The following CYS1 variants were observed in gnomAD, a reference collection of about 807,000 sequenced individuals.
CYS1 encodes the protein cystin 1, also known as cystin-1.
CYS1 carries 5 observed loss-of-function variants against 9.6 expected under a neutral mutation model. The observed-to-expected ratio is 0.52, with a 90% CI of 0.27 to 1.10. The LOEUF is 1.10. Among genes scored for constraint, CYS1 ranks in the 50% least tolerant of loss-of-function variants. The probability of loss-of-function intolerance (pLI) is 0.11; values close to 1 mark genes in which losing one functional copy is unlikely to be tolerated. For synonymous variants in CYS1, 88 were observed against 95.7 expected, an observed-to-expected ratio of 0.92 and a Z score of 0.47; for missense variants, 221 against 207.9, an observed-to-expected ratio of 1.06 and a Z score of -0.39.
intron 1 of CYS1, 54 bp downstream of exon 1, chr2:10,079,852 G>A (rs1003228411): frequency 4.8e-6 from 5 of 1,037,978 alleles, no homozygotes; most frequent in Admixed American, 5.3e-5. Flanking sequence ...GGGACGCGCG[G>A]CCGGTGAGTG....
At chr2:10,073,187 G>C (rs978038696) in intron 1 of CYS1, among the ~76,000 whole-genome samples, 1 of 142,970 alleles carries the variant, frequency 7.0e-6, no homozygotes, top group Non-Finnish European at 1.5e-5. Context: ...TGACAAGGAC[G>C]TGACAAGGGG....
At chr2:10,066,017 C>T in intron 1 of CYS1, 61 bp from the exon 2 acceptor site, 4 of 1,597,296 alleles carry the variant, frequency 2.5e-6, no homozygotes, top group Non-Finnish European at 3.4e-6. Context: ...CTGCCTAAGG[C>T]TTTGGCTTTG....
chr2:10,073,079 G>A (rs575269766), intron 1 of CYS1, among the ~76,000 whole-genome samples: 1 of 150,842 alleles, frequency 6.6e-6, no homozygotes, highest in Non-Finnish European at 1.5e-5. Context: ...TGCATGGGGG[G>A]GCGGTGCAGG....
intron 1 of CYS1, among the ~76,000 whole-genome samples, chr2:10,067,573 A>T (rs1265575470): frequency 1.3e-5 from 2 of 151,678 alleles, no homozygotes; most frequent in Non-Finnish European, 2.9e-5. Context: ...ATGAAGAGCT[A>T]ATTTTTCATT....
Position 10,058,393 on chromosome 2 carries a change from C to G in CYS1, c.*460G>C. 1 of 156,618 alleles carries G rather than the reference C, an allele frequency of 6.4e-6. No individual in the cohort carries two copies. Among genetic ancestry groups the G allele is most frequent in the Non-Finnish European group, 1.4e-5 (1 of 70,696 alleles). 9.7% of individuals were successfully genotyped at this position (156,618 alleles called of 1,614,324 possible). A position where few individuals can be genotyped will look rare whatever the true frequency, so the allele number is the denominator to read the frequency against. ...GAGAAGCACTAAGCTGACCCGGCCA[C>G]CCCTGGAGAGATGGGCCCGAGACTG... is the stretch of plus-strand genomic sequence containing the variant. On this transcript the variant is annotated 3_prime_UTR_variant, in exon 3 of 3. Transcript: ENST00000381813.
intron 2 of CYS1, among the ~76,000 whole-genome samples, chr2:10,062,401 CTTTT>C (rs201124927): frequency 1.4e-5 from 2 of 147,670 alleles, no homozygotes; most frequent in Non-Finnish European, 3.0e-5. Flanking sequence ...CTCTTTTTTT[CTTTT>C]TTTTTTGAGA....
chr2:10,069,513 T>C (rs5015170), intron 1 of CYS1, among the ~76,000 whole-genome samples: 101,750 of 151,682 alleles, frequency 0.67, 34,167 homozygotes, highest in East Asian at 0.77. Context: ...GGACCACAGG[T>C]GCGTGCCACC....
chr2:10,078,533 C>T (rs1010800952), intron 1 of CYS1, among the ~76,000 whole-genome samples: 7 of 152,264 alleles, frequency 4.6e-5, no homozygotes, highest in East Asian at 1.9e-4. Flanking sequence ...TGACATTAGG[C>T]ATGAGGTTCT....
At chr2:10,061,405 C>G (rs1162483087) in intron 2 of CYS1, among the ~76,000 whole-genome samples, 1 of 152,218 alleles carries the variant, frequency 6.6e-6, no homozygotes, top group Non-Finnish European at 1.5e-5. Context: ...ACGGGACGCC[C>G]AGACACCCTC....
chr2:10,070,247 G>T (rs994933943), intron 1 of CYS1, among the ~76,000 whole-genome samples: 6 of 152,144 alleles, frequency 3.9e-5, no homozygotes, highest in Non-Finnish European at 8.8e-5. Context: ...AGCTCCCCAG[G>T]GTTCTCCCAG....
At chr2:10,059,142 G>T (rs541619533) in intron 2 of CYS1, among the ~76,000 whole-genome samples, 184 bp from the exon 3 acceptor site, 2 of 152,354 alleles carry the variant, frequency 1.3e-5, no homozygotes, top group East Asian at 1.9e-4. Context: ...TACTGCGTCC[G>T]CTTCATCTCC....
chr2:10,067,041 G>A (rs1053864406), intron 1 of CYS1, among the ~76,000 whole-genome samples: 10 of 152,142 alleles, frequency 6.6e-5, no homozygotes, highest in Non-Finnish European at 1.3e-4. Flanking sequence ...TTGAGACAGA[G>A]TTTTGCTCTT....
rs149173660 is a variant in CYS1 at position 10,076,049 on chromosome 2, C to T, written c.318+3857G>A. Among the ~76,000 whole-genome samples, 614 of 152,116 alleles carry T rather than the reference C, an allele frequency of 4.0e-3. 2 individuals carry two copies. Among genetic ancestry groups the T allele is most frequent in the African/African-American group, 0.014 (582 of 41,506 alleles). Reference sequence around the variant, plus strand: ...TAAAAATACAAAAAAATTAGCCAGGCGTGGTGGCATGCTCCTATAGTCCCA... The same window carrying T: ...TAAAAATACAAAAAAATTAGCCAGGTGTGGTGGCATGCTCCTATAGTCCCA... On this transcript the variant is annotated intron_variant, in intron 1 of 2. Transcript: ENST00000381813. This position sits in a 1 kb window ranked among gnomAD's most constrained non-coding sequence, Gnocchi z 4.3.
At position 10,061,210 on chromosome 2, in the gene CYS1, C is replaced by T. The variant is rs751690946; in HGVS notation, c.372-2252G>A. ...TTGCACCACTGCACTCCAGCCTGGA[C>T]GACAGAACAAGACCCTATCTCAAAA... is the stretch of plus-strand genomic sequence containing the variant. On this transcript the variant is annotated intron_variant, in intron 2 of 2. Coordinates refer to ENST00000381813, the MANE Select transcript of CYS1 (RefSeq NM_001037160.3). Among the ~76,000 whole-genome samples the T allele has an allele frequency of 1.4e-4, 22 of 152,222 alleles. No individual in the cohort carries two copies. In the South Asian group the frequency reaches 2.1e-3, roughly 14 times the overall value.
intron 1 of CYS1, among the ~76,000 whole-genome samples, 179 bp from the exon 2 acceptor site, chr2:10,066,135 G>A (rs559410969): frequency 2.0e-5 from 3 of 152,310 alleles, no homozygotes; most frequent in South Asian, 2.1e-4. Flanking sequence ...GCAAGAAAAC[G>A]GAGGCTGCAA....
rs559447638 is a variant in CYS1, at chr2:10,059,996, C to T, written c.372-1038G>A. On this transcript the variant is annotated intron_variant, in intron 2 of 2. Transcript: ENST00000381813. Reference sequence around the variant, plus strand: ...ACACCTGGGTGGTGCTGACTGCCCCCGGACCTGCCACGGTTGTGTCGAAAT... The same window carrying T: ...ACACCTGGGTGGTGCTGACTGCCCCTGGACCTGCCACGGTTGTGTCGAAAT... Among the ~76,000 whole-genome samples, 8 of 152,396 alleles carry T rather than the reference C, an allele frequency of 5.2e-5. No individual in the cohort carries two copies. The East Asian group carries it at 7.7e-4, about 15-fold the overall frequency.
intron 1 of CYS1, among the ~76,000 whole-genome samples, chr2:10,074,318 A>T (rs1485828915): frequency 6.6e-6 from 1 of 152,186 alleles, no homozygotes; most frequent in African/African-American, 2.4e-5. Context: ...TCAACTACAC[A>T]AGCAGGGAAT....
At chr2:10,066,520 T>C (rs953715435) in intron 1 of CYS1, among the ~76,000 whole-genome samples, 2 of 152,266 alleles carry the variant, frequency 1.3e-5, no homozygotes, top group Non-Finnish European at 2.9e-5. Flanking sequence ...CTACACAGCA[T>C]GTGGCTGCCG....
At position 10,076,670 on chromosome 2, in the gene CYS1, A is replaced by G. The variant is rs1305290488; in HGVS notation, c.318+3236T>C. Among the ~76,000 whole-genome samples, 1 of 151,974 alleles carries G rather than the reference A, an allele frequency of 6.6e-6. No individual in the cohort carries two copies. Among genetic ancestry groups the G allele is most frequent in the Non-Finnish European group, 1.5e-5 (1 of 67,990 alleles). ...TCCCCTTTACTGGCTGTTCTTTAGG[A>G]TGCCTCTATCTCCTCAACCTTTGAA... On this transcript the variant is annotated intron_variant, in intron 1 of 2. Transcript: ENST00000381813. This position sits in a 1 kb window ranked among gnomAD's most constrained non-coding sequence, Gnocchi z 4.3.
Sources: gnomAD v4.1 joint callset for allele counts (sites outside exome capture counted in the v4.1 genomes callset) on GRCh38, gnomAD v4.1.1 for gene constraint, Gnocchi (gnomAD v3.1) non-coding constraint, MANE v1.5 for transcripts, NCBI Gene and HGNC (gene_info 2026-07-23, HGNC 2026-07-21) for gene names.